SLMAP: variants seen among roughly 807,000 people sequenced by gnomAD.
SLMAP encodes sarcolemmal membrane-associated protein.
In SLMAP, 44 loss-of-function variants were observed where a neutral mutation model predicts 128.8. The observed-to-expected ratio is 0.34, with a 90% CI of 0.27 to 0.44. SLMAP has a LOEUF of 0.44. Among genes scored for constraint, SLMAP ranks in the 20% least tolerant of loss-of-function variants. SLMAP has a pLI of 1.00. For synonymous variants in SLMAP, 327 were observed against 348.8 expected (o/e 0.94, Z 0.70); for missense variants, 787 against 985.3 (o/e 0.80, Z 2.69).
intron 6 of SLMAP, among the ~76,000 whole-genome samples, chr3:57,854,070 A>ATG (rs2094648934): frequency 7.2e-6 from 1 of 138,586 alleles, no homozygotes; most frequent in African/African-American, 2.7e-5. Flanking sequence ...ATAACACATT[A>ATG]TATATATATA....
intron 2 of SLMAP, among the ~76,000 whole-genome samples, chr3:57,824,160 G>T (rs1414310550): frequency 1.3e-5 from 2 of 152,162 alleles, no homozygotes; most frequent in Non-Finnish European, 2.9e-5. Flanking sequence ...TTCAATGGCA[G>T]ATTTGAACAG....
chr3:57,926,824 C>T (rs370863227), intron 24 of SLMAP, among the ~76,000 whole-genome samples: 9 of 152,178 alleles, frequency 5.9e-5, no homozygotes, highest in African/African-American at 4.8e-5. Flanking sequence ...TCAAGTTGGA[C>T]GACCAAAGCC....
chr3:57,843,354 T>A (rs371192852), intron 4 of SLMAP, among the ~76,000 whole-genome samples: 10 of 137,974 alleles, frequency 7.2e-5, no homozygotes, highest in African/African-American at 2.6e-4. Context: ...TTCTGTTGCC[T>A]AGGCTGGAGT....
intron 3 of SLMAP, among the ~76,000 whole-genome samples, chr3:57,836,711 A>G (rs1261542044): frequency 6.6e-6 from 1 of 152,222 alleles, no homozygotes; most frequent in Non-Finnish European, 1.5e-5. Context: ...AGGCATGTAC[A>G]CATAAGCTGC....
chr3:57,783,585 A>G (rs2083474768), intron 2 of SLMAP, among the ~76,000 whole-genome samples: 1 of 152,226 alleles, frequency 6.6e-6, no homozygotes, highest in Admixed American at 6.5e-5. Context: ...TAAAAGAGAA[A>G]CAGAAAGGAA....
rs143545667 is a variant in SLMAP at position 57,843,900 on chromosome 3, C to T, written c.419+2529C>T. On this transcript the variant is annotated intron_variant, in intron 4 of 24. Coordinates refer to ENST00000671191, the MANE Select transcript of SLMAP (RefSeq NM_001377540.1). Reference sequence around the variant, plus strand: ...GGTTTAAGTGATTCTCCTACCTCAACCTCCCAAGTAGCTGGGATTACAGGT... The same window carrying T: ...GGTTTAAGTGATTCTCCTACCTCAATCTCCCAAGTAGCTGGGATTACAGGT... 7.2e-3 allele frequency among the ~76,000 whole-genome samples: 1,077 copies of T among 149,470 alleles called. 8 individuals carry two copies. Among genetic ancestry groups the T allele is most frequent in the South Asian group, 0.011 (51 of 4,708 alleles).
intron 10 of SLMAP, among the ~76,000 whole-genome samples, chr3:57,862,974 T>C (rs2095156615): frequency 1.3e-5 from 2 of 152,182 alleles, no homozygotes; most frequent in South Asian, 4.1e-4. Flanking sequence ...TGCTTCACAA[T>C]AGACATTTCT....
chr3:57,873,074 G>T (rs995052785), intron 14 of SLMAP, among the ~76,000 whole-genome samples: 11 of 152,132 alleles, frequency 7.2e-5, no homozygotes, highest in African/African-American at 2.7e-4. Flanking sequence ...ATCCTTCAAA[G>T]AAACTGAGAA....
In SLMAP at chr3:57,864,824, C is replaced by T. The variant is rs751954636; in HGVS notation, c.1153C>T (p.Gln385Ter). The T allele has an allele frequency of 1.9e-6, 3 of 1,588,186 alleles. No homozygotes were observed. Among genetic ancestry groups the T allele is most frequent in the South Asian group, 2.3e-5 (2 of 87,268 alleles). Reference sequence around the variant, plus strand: ...ATTTACAGTACGGTTAGAACATCTTCAGGAGAAAACTCTTAAAGAATGCAG... The same window carrying T: ...ATTTACAGTACGGTTAGAACATCTTTAGGAGAAAACTCTTAAAGAATGCAG... ...TALQVRLEHL[Q>*]EKTLKECSSL... Residue 385 changes from glutamine (Q) to a stop codon, truncating the protein, a stop_gained, in exon 12 of 25, where the codon CAG (glutamine) becomes TAG (stop). Coordinates refer to ENST00000671191, the MANE Select transcript of SLMAP (RefSeq NM_001377540.1). LOFTEE classifies it high-confidence loss of function.
chr3:57,794,922 G>T (rs2086369726), intron 2 of SLMAP, among the ~76,000 whole-genome samples: 1 of 152,158 alleles, frequency 6.6e-6, no homozygotes, highest in Admixed American at 6.5e-5. Flanking sequence ...TTTGTGTTCA[G>T]CTGTCTTGGG....
intron 5 of SLMAP, 142 bp downstream of exon 5, chr3:57,847,375 A>C: frequency 1.8e-6 from 1 of 555,468 alleles, no homozygotes; most frequent in South Asian, 2.8e-5. Context: ...TAGTTATTAT[A>C]ATCTTCTGAT....
In SLMAP at chr3:57,847,216, C is replaced by A. The variant is rs1374100281; in HGVS notation, c.439C>A (p.Pro147Thr). 1 of 1,608,490 alleles carries A rather than the reference C, an allele frequency of 6.2e-7. No individual in the cohort carries two copies. The highest frequency in any genetic ancestry group is 8.5e-7 in the Non-Finnish European group (1 of 1,176,578). Residue 147 changes from proline (P) to threonine (T), a missense_variant, in exon 5 of 25, where the codon CCA (proline) becomes ACA (threonine). Transcript: ENST00000671191. ...TTTCAGTGTCATCCATGCACCATTA[C>A]CAAGTCCTGTTGACAAAGTAAGTTG... ...LRSDVIHAPL[P>T]SPVDKVAANT...
chr3:57,883,379 C>G (rs1479573518), intron 14 of SLMAP, among the ~76,000 whole-genome samples: 2 of 152,002 alleles, frequency 1.3e-5, no homozygotes, highest in African/African-American at 4.8e-5. Flanking sequence ...AGAAATTACT[C>G]AAGGTAGTTA....
At chr3:57,860,678 T>G (rs777151300) in intron 8 of SLMAP, 21 bp from the exon 9 acceptor site, 7 of 1,493,482 alleles carry the variant, frequency 4.7e-6, no homozygotes, top group Non-Finnish European at 6.3e-6. Flanking sequence ...TGTCTATAAT[T>G]ATAAATATCT....
intron 6 of SLMAP, among the ~76,000 whole-genome samples, chr3:57,856,927 A>G (rs939388251): frequency 6.6e-6 from 1 of 152,148 alleles, no homozygotes. Flanking sequence ...TTTCAGCTTC[A>G]TTGTAATTTT....
chr3:57,802,917 A>C (rs1344361922), intron 2 of SLMAP, among the ~76,000 whole-genome samples: 3 of 152,342 alleles, frequency 2.0e-5, no homozygotes, highest in East Asian at 3.9e-4. Context: ...CTTAGCCACA[A>C]AAAAAGTTTC....
intron 2 of SLMAP, among the ~76,000 whole-genome samples, chr3:57,776,522 C>CTCTTTTTTTTT (rs571722815): frequency 1.1e-5 from 1 of 92,610 alleles, no homozygotes; most frequent in African/African-American, 4.7e-5. Context: ...CTCTCTCTCT[C>CTCTTTTTTTTT]TTTTTTTTTT....
intron 17 of SLMAP, among the ~76,000 whole-genome samples, chr3:57,902,880 C>CT (rs1192752126): frequency 6.6e-6 from 1 of 152,172 alleles, no homozygotes; most frequent in Non-Finnish European, 1.5e-5. Flanking sequence ...AAAGTGCTCT[C>CT]TTTCATATTC....
intron 14 of SLMAP, among the ~76,000 whole-genome samples, chr3:57,877,517 C>T (rs1376407278): frequency 1.3e-5 from 2 of 152,006 alleles, no homozygotes; most frequent in African/African-American, 4.8e-5. Flanking sequence ...ATGTTATGTC[C>T]CTGTAATAGG....
Sources: gnomAD v4.1 joint callset for allele counts (sites outside exome capture counted in the v4.1 genomes callset) on GRCh38, gnomAD v4.1.1 for gene constraint, MANE v1.5 for transcripts, NCBI Gene and HGNC (gene_info 2026-07-23, HGNC 2026-07-21) for gene names.